Variants in RAB3C observed in about 807,000 individuals in gnomAD.
The protein encoded by RAB3C is RAB3C, member RAS oncogene family.
RAB3C carries 17 observed loss-of-function variants against 26.4 expected under a neutral mutation model. That is an observed-to-expected ratio of 0.64 (90% confidence interval 0.44 to 0.97). The LOEUF (loss-of-function observed/expected upper bound fraction) is 0.97. RAB3C is among the 50% of genes least tolerant of loss of function. The pLI is 0.00. For synonymous variants in RAB3C, 91 were observed against 95.9 expected, an observed-to-expected ratio of 0.95 and a Z score of 0.30; for missense variants, 242 against 281.9, an observed-to-expected ratio of 0.86 and a Z score of 1.01.
At chr5:58,775,351 AG>A (rs1011861693) in intron 3 of RAB3C, among the ~76,000 whole-genome samples, 10 of 152,098 alleles carry the variant, frequency 6.6e-5, no homozygotes, top group African/African-American at 2.2e-4. Flanking sequence ...GGCCAAAGCA[AG>A]CCCAACTGTG....
chr5:58,629,171 A>AG (rs1428630020), intron 2 of RAB3C, among the ~76,000 whole-genome samples: 1 of 151,714 alleles, frequency 6.6e-6, no homozygotes, highest in African/African-American at 2.4e-5. Context: ...AGATTTTTTT[A>AG]AATTTTTTTT....
At chr5:58,841,924 T>A (rs1004798073) in intron 4 of RAB3C, among the ~76,000 whole-genome samples, 6 of 152,156 alleles carry the variant, frequency 3.9e-5, no homozygotes, top group African/African-American at 1.4e-4. Context: ...TTTCTACTCA[T>A]GTATTTCTTA....
intron 4 of RAB3C, among the ~76,000 whole-genome samples, chr5:58,827,170 C>T (rs914216779): frequency 6.6e-6 from 1 of 152,034 alleles, no homozygotes; most frequent in Non-Finnish European, 1.5e-5. Context: ...CTTAGGACCT[C>T]AGAAAGATAA....
At chr5:58,788,583 G>T (rs1211145355) in intron 3 of RAB3C, among the ~76,000 whole-genome samples, 1 of 152,110 alleles carries the variant, frequency 6.6e-6, no homozygotes, top group Non-Finnish European at 1.5e-5. Context: ...GCACCTTAAG[G>T]CAGATTTGGT....
intron 2 of RAB3C, among the ~76,000 whole-genome samples, chr5:58,698,297 G>A (rs1748762865): frequency 6.6e-6 from 1 of 152,202 alleles, no homozygotes; most frequent in Non-Finnish European, 1.5e-5. Flanking sequence ...GAGATCAGCT[G>A]TTAGTATGAT....
intron 3 of RAB3C, among the ~76,000 whole-genome samples, chr5:58,734,412 G>A (rs1741090986): frequency 6.6e-6 from 1 of 152,068 alleles, no homozygotes; most frequent in African/African-American, 2.4e-5. Flanking sequence ...AGGGGGCAGT[G>A]GTGGGATGAG....
At chr5:58,699,579 G>T (rs1229526803) in intron 2 of RAB3C, among the ~76,000 whole-genome samples, 1 of 152,196 alleles carries the variant, frequency 6.6e-6, no homozygotes, top group East Asian at 1.9e-4. Context: ...TACAGGTGTT[G>T]TCTGGAGGCA....
At chr5:58,813,555 G>T (rs2112042812) in intron 3 of RAB3C, among the ~76,000 whole-genome samples, 1 of 140,444 alleles carries the variant, frequency 7.1e-6, no homozygotes, top group Non-Finnish European at 1.5e-5. Context: ...CTTAGCCATT[G>T]TATTGTTAAG....
At chr5:58,628,553 C>G (rs1170411486) in intron 2 of RAB3C, among the ~76,000 whole-genome samples, 1 of 152,172 alleles carries the variant, frequency 6.6e-6, no homozygotes, top group Non-Finnish European at 1.5e-5. Context: ...GCCACAGATG[C>G]CTTGGACCTC....
At chr5:58,761,393 C>T (rs1304237375) in intron 3 of RAB3C, among the ~76,000 whole-genome samples, 2 of 152,136 alleles carry the variant, frequency 1.3e-5, no homozygotes, top group Non-Finnish European at 2.9e-5. Context: ...TAAGCATTTG[C>T]TATCCCACAA....
intron 3 of RAB3C, among the ~76,000 whole-genome samples, chr5:58,792,664 C>A (rs998879547): frequency 3.3e-5 from 5 of 152,034 alleles, no homozygotes; most frequent in Non-Finnish European, 7.4e-5. Flanking sequence ...TGTTTCCCAA[C>A]AACCCTTCCT....
intron 2 of RAB3C, among the ~76,000 whole-genome samples, chr5:58,627,507 A>C (rs1230848554): frequency 9.1e-5 from 6 of 65,752 alleles, no homozygotes; most frequent in Non-Finnish European, 1.4e-4. Flanking sequence ...AAAAAAAAAA[A>C]AAAAAAAAAA....
At chr5:58,619,320 A>C (rs1412043257) in intron 2 of RAB3C, among the ~76,000 whole-genome samples, 1 of 152,164 alleles carries the variant, frequency 6.6e-6, no homozygotes, top group Non-Finnish European at 1.5e-5. Flanking sequence ...ATTAATGGAG[A>C]TACCTATCAC....
chr5:58,651,864 C>T (rs1448741773), intron 2 of RAB3C, among the ~76,000 whole-genome samples: 4 of 152,148 alleles, frequency 2.6e-5, no homozygotes, highest in Non-Finnish European at 4.4e-5. Flanking sequence ...ATATAACGTA[C>T]GCACATCCTC....
intron 3 of RAB3C, among the ~76,000 whole-genome samples, chr5:58,782,853 T>G (rs1579915927): frequency 6.6e-6 from 1 of 152,282 alleles, no homozygotes; most frequent in East Asian, 1.9e-4. Context: ...AGAGCCAGGA[T>G]CTAGGACCAC....
chr5:58,628,170 A>G (rs984744091), intron 2 of RAB3C, among the ~76,000 whole-genome samples: 7 of 151,156 alleles, frequency 4.6e-5, no homozygotes, highest in Non-Finnish European at 1.0e-4. Context: ...AAAAAAAAAA[A>G]AAAAAAAACA....
At chr5:58,602,063 A>G (rs1280484966) in intron 1 of RAB3C, among the ~76,000 whole-genome samples, 1 of 151,978 alleles carries the variant, frequency 6.6e-6, no homozygotes, top group Non-Finnish European at 1.5e-5. Context: ...ATTGTCATTC[A>G]GTTCAAAGAA....
intron 2 of RAB3C, among the ~76,000 whole-genome samples, chr5:58,647,340 C>T (rs1747541659): frequency 1.3e-5 from 2 of 152,108 alleles, no homozygotes; most frequent in Admixed American, 1.3e-4. Context: ...AAGTTTAGAC[C>T]TTCTCACATG....
At chr5:58,726,578 G>A (rs1177129886) in intron 3 of RAB3C, among the ~76,000 whole-genome samples, 1 of 151,948 alleles carries the variant, frequency 6.6e-6, no homozygotes, top group Non-Finnish European at 1.5e-5. Context: ...GCAGAGTTAA[G>A]TAGTTGCAAC....
Sources: gnomAD v4.1 joint callset for allele counts (sites outside exome capture counted in the v4.1 genomes callset) on GRCh38, gnomAD v4.1.1 for gene constraint, MANE v1.5 for transcripts, NCBI Gene and HGNC (gene_info 2026-07-23, HGNC 2026-07-21) for gene names.